Variants in KIAA0825 observed in about 807,000 individuals in gnomAD.
The protein encoded by KIAA0825 is KIAA0825.
In KIAA0825, 119 loss-of-function variants were observed where a neutral mutation model predicts 147.6. The ratio of observed to expected loss-of-function variants is 0.81; its 90% confidence interval spans 0.69 to 0.94. The LOEUF (loss-of-function observed/expected upper bound fraction) is 0.94. Ranked by LOEUF, KIAA0825 falls within the 40% of genes least tolerant of loss-of-function variation. The pLI, the probability that KIAA0825 is intolerant of heterozygous loss-of-function variation, is 0.00. For synonymous variants in KIAA0825, 470 were observed against 518.1 expected, an observed-to-expected ratio of 0.91 and a Z score of 1.26; for missense variants, 1,381 against 1,472.7, an observed-to-expected ratio of 0.94 and a Z score of 1.02.
At chr5:94,451,786 G>A (rs1443769272) in intron 13 of KIAA0825, among the ~76,000 whole-genome samples, 1 of 152,132 alleles carries the variant, frequency 6.6e-6, no homozygotes, top group Non-Finnish European at 1.5e-5. Flanking sequence ...ATAAAAGCGG[G>A]CAGTAAAATA....
chr5:94,386,159 TA>T, intron 19 of KIAA0825, 82 bp downstream of exon 19: 1 of 1,262,152 alleles, frequency 7.9e-7, no homozygotes, highest in Non-Finnish European at 1.1e-6. Flanking sequence ...AGCTTATGAG[TA>T]AATACTCAAA....
chr5:94,327,564 G>A (rs541621781), intron 20 of KIAA0825, among the ~76,000 whole-genome samples: 11 of 152,030 alleles, frequency 7.2e-5, no homozygotes, highest in African/African-American at 2.2e-4. Flanking sequence ...ACCAAGTCCC[G>A]GTAAAGTGGC....
At chr5:94,252,078 A>G (rs1775991741) in intron 20 of KIAA0825, among the ~76,000 whole-genome samples, 1 of 152,108 alleles carries the variant, frequency 6.6e-6, no homozygotes, top group African/African-American at 2.4e-5. Context: ...ATGGTCACAG[A>G]TATTTCAATT....
intron 20 of KIAA0825, among the ~76,000 whole-genome samples, chr5:94,299,388 C>CTT (rs1178469759): frequency 2.1e-5 from 3 of 141,308 alleles, no homozygotes; most frequent in African/African-American, 2.6e-5. Context: ...GGGTAATTTA[C>CTT]TTTTTTTTTT....
intron 20 of KIAA0825, among the ~76,000 whole-genome samples, chr5:94,193,877 T>C (rs1770892719): frequency 6.6e-6 from 1 of 152,170 alleles, no homozygotes; most frequent in African/African-American, 2.4e-5. Flanking sequence ...GTCTTAAAGA[T>C]TTAGTCTGCC....
At chr5:94,509,074 A>T (rs1766132780) in intron 5 of KIAA0825, among the ~76,000 whole-genome samples, 1 of 152,194 alleles carries the variant, frequency 6.6e-6, no homozygotes, top group Non-Finnish European at 1.5e-5. Flanking sequence ...GGGGGGTCTG[A>T]CTTGAATAGG....
At chr5:94,174,133 T>C (rs186463135) in intron 20 of KIAA0825, among the ~76,000 whole-genome samples, 5 of 152,300 alleles carry the variant, frequency 3.3e-5, no homozygotes, top group Admixed American at 3.3e-4. Context: ...ATAGATAAAT[T>C]TGAAGTTTTA....
intron 20 of KIAA0825, among the ~76,000 whole-genome samples, chr5:94,279,635 T>TCACCTTTTCTTCTCCC (rs1179569487): frequency 1.3e-5 from 2 of 152,028 alleles, no homozygotes; most frequent in African/African-American, 4.8e-5. Flanking sequence ...TTTTCTCTCC[T>TCACCTTTTCTTCTCCC]CACCTTTTCT....
At chr5:94,609,589 C>G (rs1788302670) in intron 1 of KIAA0825, among the ~76,000 whole-genome samples, 1 of 152,026 alleles carries the variant, frequency 6.6e-6, no homozygotes, top group Non-Finnish European at 1.5e-5. Flanking sequence ...TGAGAAAGCC[C>G]TAGAAAGATA....
At chr5:94,217,038 A>G (rs1773266515) in intron 20 of KIAA0825, among the ~76,000 whole-genome samples, 1 of 152,222 alleles carries the variant, frequency 6.6e-6, no homozygotes, top group Non-Finnish European at 1.5e-5. Flanking sequence ...TGACATATCC[A>G]TGTTGACATA....
chr5:94,384,076 T>C (rs1410601115), intron 20 of KIAA0825, among the ~76,000 whole-genome samples: 1 of 152,160 alleles, frequency 6.6e-6, no homozygotes, highest in Non-Finnish European at 1.5e-5. Context: ...GTCAAAAATA[T>C]TTAAAATTCA....
intron 12 of KIAA0825, among the ~76,000 whole-genome samples, chr5:94,455,856 A>G (rs1759033711): frequency 6.6e-6 from 1 of 152,130 alleles, no homozygotes; most frequent in South Asian, 2.1e-4. Context: ...AAGGATGAAA[A>G]AAGGAGTTAC....
At chr5:94,336,508 A>G (rs1781811094) in intron 20 of KIAA0825, among the ~76,000 whole-genome samples, 1 of 148,076 alleles carries the variant, frequency 6.8e-6, no homozygotes, top group Non-Finnish European at 1.5e-5. Flanking sequence ...GAGAACATGC[A>G]GTGTTTGGTT....
chr5:94,270,529 T>C (rs1228894674), intron 20 of KIAA0825, among the ~76,000 whole-genome samples: 1 of 151,770 alleles, frequency 6.6e-6, no homozygotes, highest in Non-Finnish European at 1.5e-5. Flanking sequence ...GCCATAGTTT[T>C]TGGTGCATGC....
At chr5:94,514,316 G>A (rs1584743124) in intron 5 of KIAA0825, among the ~76,000 whole-genome samples, 1 of 152,076 alleles carries the variant, frequency 6.6e-6, no homozygotes, top group East Asian at 1.9e-4. Flanking sequence ...TTCTATTCAT[G>A]TATTAGTATG....
At chr5:94,420,781 A>T in intron 14 of KIAA0825, among the ~76,000 whole-genome samples, 1 of 152,166 alleles carries the variant, frequency 6.6e-6, no homozygotes, top group East Asian at 1.9e-4. Flanking sequence ...TTTAATACTA[A>T]AACAATGTTT....
chr5:94,612,180 G>A (rs1353436600), intron 1 of KIAA0825, among the ~76,000 whole-genome samples: 1 of 152,158 alleles, frequency 6.6e-6, no homozygotes, highest in African/African-American at 2.4e-5. Context: ...CCAAATGTTA[G>A]TATCAATGTC....
At chr5:94,309,760 C>T (rs373538706) in intron 20 of KIAA0825, among the ~76,000 whole-genome samples, 6 of 151,784 alleles carry the variant, frequency 4.0e-5, no homozygotes, top group African/African-American at 9.6e-5. Context: ...TATGGTTCAT[C>T]GGTTCCCTCC....
At chr5:94,392,014 A>G (rs369279539) in intron 17 of KIAA0825, among the ~76,000 whole-genome samples, 1 of 152,312 alleles carries the variant, frequency 6.6e-6, no homozygotes, top group East Asian at 1.9e-4. Flanking sequence ...AAAACAAAAC[A>G]TTTCTTTTTA....
Sources: gnomAD v4.1 joint callset for allele counts (sites outside exome capture counted in the v4.1 genomes callset) on GRCh38, gnomAD v4.1.1 for gene constraint, MANE v1.5 for transcripts, NCBI Gene and HGNC (gene_info 2026-07-23, HGNC 2026-07-21) for gene names.